Variants in CNTNAP4 observed in about 807,000 individuals in gnomAD.
CNTNAP4 encodes the protein contactin associated protein family member 4, also known as contactin-associated protein-like 4.
A neutral mutation model predicts 148.4 loss-of-function variants in CNTNAP4; 98 were observed. The ratio of observed to expected loss-of-function variants is 0.66; its 90% CI spans 0.56 to 0.78. CNTNAP4 has a LOEUF of 0.78. Ranked by LOEUF, CNTNAP4 falls within the 30% of genes least tolerant of loss-of-function variation. The probability of loss-of-function intolerance (pLI) is 0.00; values close to 1 mark genes in which losing one functional copy is unlikely to be tolerated. For synonymous variants in CNTNAP4, 730 were observed against 565.1 expected (o/e 1.29, Z -4.14); for missense variants, 1,935 against 1,565.6 (o/e 1.24, Z -3.98).
chr16:76,455,680 C>T (rs1597600167), intron 8 of CNTNAP4, among the ~76,000 whole-genome samples: 2 of 152,208 alleles, frequency 1.3e-5, no homozygotes, highest in African/African-American at 4.8e-5. Flanking sequence ...GAATGTCTGG[C>T]ACTTCAGTGC....
intron 3 of CNTNAP4, among the ~76,000 whole-genome samples, chr16:76,394,048 A>C (rs1277919399): frequency 3.9e-5 from 6 of 152,226 alleles, no homozygotes; most frequent in Non-Finnish European, 8.8e-5. Context: ...AAGAAAATCA[A>C]ATAGAACAGG....
intron 3 of CNTNAP4, among the ~76,000 whole-genome samples, chr16:76,380,720 G>A (rs2015884730): frequency 1.3e-5 from 2 of 152,004 alleles, no homozygotes; most frequent in South Asian, 2.1e-4. Context: ...ACCATTAGAC[G>A]GTGCTTGGAA....
rs541249672 is a variant in CNTNAP4 at position 76,329,031 on chromosome 16, T to C, written c.196+12508T>C. On this transcript the variant is annotated intron_variant, in intron 2 of 23. Transcript: ENST00000611870. The stretch of plus-strand genomic sequence containing the variant: ...AACTTTTCTGTAACTCTAAAAGTAT[T>C]TTAAAATAAAAAGTTTGTTAAAAAC... 9.8e-5 allele frequency among the ~76,000 whole-genome samples: 15 copies of C among 152,322 alleles called. No homozygotes were observed. The East Asian group carries it at 2.9e-3, about 29-fold the overall frequency.
chr16:76,554,287 G>T (rs1236069969), intron 23 of CNTNAP4, among the ~76,000 whole-genome samples: 1 of 152,082 alleles, frequency 6.6e-6, no homozygotes, highest in Non-Finnish European at 1.5e-5. Flanking sequence ...CTTCTGGAAA[G>T]GTTCATGCAA....
At chr16:76,523,131 T>C (rs1220643579) in intron 17 of CNTNAP4, among the ~76,000 whole-genome samples, 1 of 152,066 alleles carries the variant, frequency 6.6e-6, no homozygotes, top group Non-Finnish European at 1.5e-5. Flanking sequence ...TATCTTATTG[T>C]TTTATTATGA....
chr16:76,447,310 G>T (rs1056221878), intron 4 of CNTNAP4, among the ~76,000 whole-genome samples: 2 of 141,902 alleles, frequency 1.4e-5, no homozygotes, highest in African/African-American at 5.8e-5. Context: ...AGAAGACCCT[G>T]CCTGAAAAAT....
intron 1 of CNTNAP4, among the ~76,000 whole-genome samples, chr16:76,310,335 A>G (rs10221153): frequency 0.019 from 2,935 of 152,296 alleles, 92 homozygotes; most frequent in African/African-American, 0.066. Context: ...CTTGACTAAC[A>G]AGTAATATTT....
At chr16:76,316,262 C>A in intron 1 of CNTNAP4, 151 bp from the exon 2 acceptor site, 1 of 699,610 alleles carries the variant, frequency 1.4e-6, no homozygotes, top group Non-Finnish European at 2.7e-6. Context: ...TACTAGACTT[C>A]TAGTAAGCCC....
chr16:76,370,659 C>T (rs7193350), intron 3 of CNTNAP4, among the ~76,000 whole-genome samples: 22,293 of 152,100 alleles, frequency 0.15, 2,246 homozygotes, highest in East Asian at 0.47. Context: ...TGAAACAGAA[C>T]GATGAGGACA....
intron 12 of CNTNAP4, among the ~76,000 whole-genome samples, chr16:76,483,609 C>G (rs541096573): frequency 6.6e-6 from 1 of 152,178 alleles, no homozygotes; most frequent in Non-Finnish European, 1.5e-5. Context: ...TAGGAGCACT[C>G]GACAACATTT....
chr16:76,382,628 A>G (rs904764116), intron 3 of CNTNAP4, among the ~76,000 whole-genome samples: 1 of 152,216 alleles, frequency 6.6e-6, no homozygotes, highest in East Asian at 1.9e-4. Flanking sequence ...TGAACTCTGA[A>G]TATATTTTCT....
chr16:76,333,781 T>TTTG, intron 2 of CNTNAP4, among the ~76,000 whole-genome samples: 1 of 97,014 alleles, frequency 1.0e-5, no homozygotes. Flanking sequence ...GGTTATAGGT[T>TTTG]TTTTTTTTTT....
chr16:76,559,433 A>C lies in CNTNAP4; in HGVS notation c.*750A>C, dbSNP rs1354950499. Among the ~76,000 whole-genome samples the C allele has an allele frequency of 6.6e-6, 1 of 152,090 alleles. No homozygotes were observed. Among genetic ancestry groups the C allele is most frequent in the Non-Finnish European group, 1.5e-5 (1 of 68,022 alleles). ...AAAAAAGTTTTCCAATTAATTTGCTACCATTGTTTGATGGTGACAGTACTT... is the reference window on the plus strand; with the variant it reads ...AAAAAAGTTTTCCAATTAATTTGCTCCCATTGTTTGATGGTGACAGTACTT... On this transcript the variant is annotated 3_prime_UTR_variant, in exon 24 of 24. Transcript: ENST00000611870.
chr16:76,530,692 A>G (rs2083941664), intron 17 of CNTNAP4, among the ~76,000 whole-genome samples: 1 of 152,190 alleles, frequency 6.6e-6, no homozygotes, highest in Admixed American at 6.6e-5. Context: ...GTCACTTGCA[A>G]CAGCTGCCTC....
chr16:76,440,254 G>C (rs2079982928), intron 4 of CNTNAP4, among the ~76,000 whole-genome samples: 1 of 152,006 alleles, frequency 6.6e-6, no homozygotes. Context: ...AAAGACTCTA[G>C]TGTCTTTTTC....
chr16:76,392,531 C>T (rs1029221166), intron 3 of CNTNAP4, among the ~76,000 whole-genome samples: 6 of 152,094 alleles, frequency 3.9e-5, no homozygotes, highest in Non-Finnish European at 7.3e-5. Context: ...CAATGTAAGA[C>T]TACTCTGAAT....
chr16:76,381,299 C>T (rs6564326), intron 3 of CNTNAP4, among the ~76,000 whole-genome samples: 4,187 of 152,168 alleles, frequency 0.028, 183 homozygotes, highest in African/African-American at 0.095. Flanking sequence ...GAGTGAGTCC[C>T]GAAACCTGAC....
Position 76,429,132 on chromosome 16 carries a change from C to T in CNTNAP4, c.538+1533C>T, listed in dbSNP as rs191413788. On this transcript the variant is annotated intron_variant, in intron 4 of 23. Coordinates refer to ENST00000611870, the MANE Select transcript of CNTNAP4 (RefSeq NM_033401.5). ...GCAGGCTTTCGTGGCTTCAACAATC[C>T]AGCTTAGCTACACCATGTTAGTTCC... Among the ~76,000 whole-genome samples, 90 of 152,250 alleles carry T rather than the reference C, an allele frequency of 5.9e-4. 2 individuals carry two copies. The East Asian group carries it at 0.016, about 26-fold the overall frequency.
At chr16:76,471,580 C>T (rs1206626138) in intron 10 of CNTNAP4, among the ~76,000 whole-genome samples, 2 of 152,156 alleles carry the variant, frequency 1.3e-5, no homozygotes, top group Admixed American at 6.5e-5. Context: ...CTCCATGGCA[C>T]CGTCCTCCAT....
Sources: allele counts gnomAD v4.1 joint callset (sites outside exome capture counted in the v4.1 genomes callset), GRCh38; gene constraint gnomAD v4.1.1; transcripts MANE v1.5; gene names NCBI Gene and HGNC (gene_info 2026-07-23, HGNC 2026-07-21).